Variants in SYNPO2 observed in about 807,000 individuals in gnomAD.
SYNPO2 encodes synaptopodin 2, also known as synaptopodin-2.
Under a neutral mutation model 85.0 loss-of-function variants are expected in SYNPO2, and 56 were observed. The ratio of observed to expected loss-of-function variants is 0.66; its 90% CI spans 0.53 to 0.82. SYNPO2 has a LOEUF of 0.82. SYNPO2 is among the 40% of genes least tolerant of loss of function. The pLI is 0.00. For missense variants in SYNPO2, 1,575 were observed against 1,534.2 expected (o/e 1.03, Z -0.44); for synonymous variants, 602 against 591.1 (o/e 1.02, Z -0.27).
rs183160699 is a variant in SYNPO2, at chr4:119,030,407, A to C, written c.1632A>C (p.Val544=). 9 of 1,614,084 alleles carry C rather than the reference A, an allele frequency of 5.6e-6. No individual in the cohort carries two copies. In the African/African-American group the frequency reaches 6.7e-5, roughly 12 times the overall value. The change falls in exon 4 of 5, where the codon GTA becomes GTC. Residue 544 remains valine, a synonymous_variant. Coordinates refer to ENST00000307142, the MANE Select transcript of SYNPO2 (RefSeq NM_133477.3). ...ACCAAAGAAAGGAGGAAGAGTCGGT[A>C]AGAACGCAGAGCTCTGTGAGCAAAA... ...TSYQRKEEES[V]RTQSSVSKSY...
intron 1 of SYNPO2, among the ~76,000 whole-genome samples, chr4:118,855,727 G>A (rs1427543238): frequency 1.3e-5 from 2 of 152,138 alleles, no homozygotes; most frequent in East Asian, 1.9e-4. Flanking sequence ...CTAAGAAACT[G>A]ATTGAAGTAG....
intron 4 of SYNPO2, chr4:119,037,192 A>G: frequency 6.5e-7 from 1 of 1,541,716 alleles, no homozygotes; most frequent in Non-Finnish European, 8.8e-7. Context: ...CTACCTGATA[A>G]TGATAATACT....
chr4:118,946,131 G>A (rs1374524852), intron 1 of SYNPO2, among the ~76,000 whole-genome samples: 1 of 151,958 alleles, frequency 6.6e-6, no homozygotes, highest in African/African-American at 2.4e-5. Context: ...AGGAATGTCA[G>A]CATCACATCA....
intron 4 of SYNPO2, among the ~76,000 whole-genome samples, chr4:119,047,393 C>T (rs1203852718): frequency 1.3e-5 from 2 of 152,188 alleles, no homozygotes; most frequent in South Asian, 2.1e-4. Flanking sequence ...GATTACTTGG[C>T]CACTTTTCTA....
chr4:118,936,781 T>C (rs1011873300), intron 1 of SYNPO2, among the ~76,000 whole-genome samples: 5 of 152,180 alleles, frequency 3.3e-5, no homozygotes, highest in Non-Finnish European at 5.9e-5. Flanking sequence ...CTCTCTTTCA[T>C]GAAATACTTA....
chr4:118,877,539 G>C (rs1367437593), intron 1 of SYNPO2, among the ~76,000 whole-genome samples: 1 of 152,206 alleles, frequency 6.6e-6, no homozygotes. Flanking sequence ...TAAAAAGTGG[G>C]CAGAGGACGT....
chr4:118,892,585 C>G (rs1420533602), intron 1 of SYNPO2, among the ~76,000 whole-genome samples: 1 of 152,072 alleles, frequency 6.6e-6, no homozygotes, highest in Non-Finnish European at 1.5e-5. Context: ...TTTGAAAAAT[C>G]CTCATATAAA....
At chr4:118,890,729 C>G (rs951367898) in intron 1 of SYNPO2, among the ~76,000 whole-genome samples, 3 of 137,176 alleles carry the variant, frequency 2.2e-5, no homozygotes, top group African/African-American at 5.4e-5. Context: ...CTCTCTCTCT[C>G]TCTCTGTGTG....
rs189744857 is a variant in SYNPO2 at position 118,952,170 on chromosome 4, A to G, written c.105+63029A>G. 1.9e-3 allele frequency among the ~76,000 whole-genome samples: 297 copies of G among 152,334 alleles called. 1 individual carries two copies. Among genetic ancestry groups the G allele is most frequent in the African/African-American group, 7.0e-3 (289 of 41,572 alleles). On this transcript the variant is annotated intron_variant, in intron 1 of 4. Coordinates refer to ENST00000307142, the MANE Select transcript of SYNPO2 (RefSeq NM_133477.3). Reference sequence around the variant, plus strand: ...CAGGGACTGGAAATCCCCTTGCACTACTTTGAAGATTATTGTGAAGATCAA... The same window carrying G: ...CAGGGACTGGAAATCCCCTTGCACTGCTTTGAAGATTATTGTGAAGATCAA...
chr4:118,876,689 CTTTCTTTCTTT>C (rs1441468434), intron 1 of SYNPO2, among the ~76,000 whole-genome samples: 3 of 90,428 alleles, frequency 3.3e-5, no homozygotes, highest in Non-Finnish European at 4.7e-5. Context: ...TTCTTTCTTT[CTTTCTTTCTTT>C]CTTTCTTTCT....
intron 1 of SYNPO2, among the ~76,000 whole-genome samples, chr4:118,964,036 GA>G (rs960021883): frequency 6.6e-6 from 1 of 152,178 alleles, no homozygotes; most frequent in African/African-American, 2.4e-5. Flanking sequence ...GGTTTTGCAT[GA>G]GGGGGACCAC....
In SYNPO2 at chr4:119,031,736, C is replaced by T; in HGVS notation, c.2961C>T (p.Gly987=). ...TCCAACCTCCAGATGCAAAGGATGG[C>T]CTCCCCCAGAAGTCATCAGTCAAGG... is the stretch of plus-strand genomic sequence containing the variant. The part of the protein sequence containing the change: ...FTFQPPDAKD[G]LPQKSSVKVN... The change falls in exon 4 of 5, where the codon GGC becomes GGT. Residue 987 remains glycine (G), a synonymous_variant. Transcript: ENST00000307142. The T allele has an allele frequency of 6.2e-7, 1 of 1,614,240 alleles. No homozygotes were observed.
At chr4:118,911,658 T>A (rs1733141115) in intron 1 of SYNPO2, among the ~76,000 whole-genome samples, 1 of 152,222 alleles carries the variant, frequency 6.6e-6, no homozygotes, top group Non-Finnish European at 1.5e-5. Flanking sequence ...AGGAAAACTA[T>A]GCATGAAAGA....
chr4:118,924,420 C>A (rs1191764216), intron 1 of SYNPO2, among the ~76,000 whole-genome samples: 3 of 152,168 alleles, frequency 2.0e-5, no homozygotes, highest in Non-Finnish European at 4.4e-5. Context: ...TTCTGAGTAA[C>A]AATGTGGCCC....
chr4:118,854,421 C>T (rs1298016108), intron 1 of SYNPO2, among the ~76,000 whole-genome samples: 1 of 152,128 alleles, frequency 6.6e-6, no homozygotes, highest in Non-Finnish European at 1.5e-5. Flanking sequence ...TTTATAGCAA[C>T]ATATTAGATG....
intron 1 of SYNPO2, among the ~76,000 whole-genome samples, chr4:119,009,504 A>G (rs966214374): frequency 2.0e-5 from 3 of 152,192 alleles, no homozygotes; most frequent in Non-Finnish European, 4.4e-5. Context: ...GCACTCAATA[A>G]AGATCTGCCT....
At chr4:118,864,098 AACTTTCCTCTTAGTACTGCTTTTGCTG>A (rs140496955) in intron 1 of SYNPO2, among the ~76,000 whole-genome samples, 7,095 of 152,252 alleles carry the variant, frequency 0.047, 241 homozygotes, top group Non-Finnish European at 0.072. Flanking sequence ...TATAGCTATA[AACTTTCCTCTTAGTACTGCTTTTGCTG>A]TATTCCATAG....
chr4:118,886,382 C>T (rs11931472), upstream of SYNPO2, among the ~76,000 whole-genome samples: 38,922 of 152,032 alleles, frequency 0.26, 5,823 homozygotes, highest in Non-Finnish European at 0.34. Context: ...CGTTATGTGT[C>T]GTAATGCTCT....
At chr4:119,027,757 T>A (rs1488571834) in intron 3 of SYNPO2, among the ~76,000 whole-genome samples, 1 of 152,194 alleles carries the variant, frequency 6.6e-6, no homozygotes, top group East Asian at 1.9e-4. Context: ...AAATAGTTCA[T>A]GTTAAAATAG....
Sources: gnomAD v4.1 joint callset for allele counts (sites outside exome capture counted in the v4.1 genomes callset) on GRCh38, gnomAD v4.1.1 for gene constraint, MANE v1.5 for transcripts, NCBI Gene and HGNC (gene_info 2026-07-23, HGNC 2026-07-21) for gene names.